Variants in SNTG1 observed in about 807,000 individuals in gnomAD.
SNTG1 encodes gamma-1-syntrophin.
A neutral mutation model predicts 74.7 loss-of-function variants in SNTG1; 39 were observed. The observed-to-expected ratio is 0.52, with a 90% CI of 0.40 to 0.68. The LOEUF is 0.68. Among genes scored for constraint, SNTG1 ranks in the 30% least tolerant of loss-of-function variants. The probability of loss-of-function intolerance (pLI) is 0.00; values close to 1 mark genes in which losing one functional copy is unlikely to be tolerated. For missense variants in SNTG1, 685 were observed against 609.5 expected, an observed-to-expected ratio of 1.12 and a Z score of -1.30; for synonymous variants, 254 against 217.1, an observed-to-expected ratio of 1.17 and a Z score of -1.49.
chr8:50,691,287 C>T (rs1304921801), intron 15 of SNTG1, among the ~76,000 whole-genome samples: 1 of 152,152 alleles, frequency 6.6e-6, no homozygotes, highest in Non-Finnish European at 1.5e-5. Context: ...TTGATCCTGT[C>T]ATTATGATGT....
chr8:50,248,123 C>T (rs532781840), intron 2 of SNTG1, among the ~76,000 whole-genome samples: 1 of 152,240 alleles, frequency 6.6e-6, no homozygotes, highest in Admixed American at 6.5e-5. Context: ...ACACATATGG[C>T]TTCATTTTAA....
chr8:50,539,270 T>A (rs2094329037), intron 11 of SNTG1, among the ~76,000 whole-genome samples: 1 of 152,196 alleles, frequency 6.6e-6, no homozygotes, highest in Non-Finnish European at 1.5e-5. Context: ...AATGTTGAGA[T>A]TCAGATTACT....
chr8:50,173,493 G>C (rs1181018447), intron 2 of SNTG1, among the ~76,000 whole-genome samples: 1 of 152,140 alleles, frequency 6.6e-6, no homozygotes, highest in East Asian at 1.9e-4. Context: ...GCATATTTAT[G>C]TACTCAATTA....
At chr8:50,484,155 T>TCCTA (rs2093767592) in intron 8 of SNTG1, among the ~76,000 whole-genome samples, 1 of 51,492 alleles carries the variant, frequency 1.9e-5, no homozygotes, top group Non-Finnish European at 4.1e-5. Flanking sequence ...TTTCTTTCCT[T>TCCTA]CCTTCCTTCC....
At position 50,251,074 on chromosome 8, in the gene SNTG1, T is replaced by G. The variant is rs368008044; in HGVS notation, c.-28+78439T>G. 2.0e-5 allele frequency among the ~76,000 whole-genome samples: 3 copies of G among 151,962 alleles called. 1 individual carries two copies. Among genetic ancestry groups the G allele is most frequent in the African/African-American group, 7.2e-5 (3 of 41,494 alleles). On this transcript the variant is annotated intron_variant, in intron 2 of 18. Transcript: ENST00000642720. ...AATATACAAATTACAGTAACCAAAA[T>G]GCAAATGAAAAGGGAGAGGGAAAAA... is the stretch of plus-strand genomic sequence containing the variant.
chr8:49,969,385 A>ATATTTTTTTTTTTTTTTTTT lies in SNTG1; in HGVS notation c.-103+57155_-103+57156insATTTTTTTTTTTTTTTTTTT, dbSNP rs1811434626. ...GCAAATACACATTTTAATTCATTTA[A>ATATTTTTTTTTTTTTTTTTT]TCTTTTTTTTTTTTTTTTTTTTTTT... On this transcript the variant is annotated intron_variant, in intron 1 of 18. Coordinates refer to ENST00000642720, the MANE Select transcript of SNTG1 (RefSeq NM_018967.5). 2.1e-4 allele frequency among the ~76,000 whole-genome samples: 24 copies of ATATTTTTTTTTTTTTTTTTT among 116,628 alleles called. 10 individuals carry two copies. Among genetic ancestry groups the ATATTTTTTTTTTTTTTTTTT allele is most frequent in the Non-Finnish European group, 2.9e-4 (17 of 58,524 alleles). 76.5% of individuals were successfully genotyped at this position (116,628 alleles called of 152,430 possible).
intron 17 of SNTG1, among the ~76,000 whole-genome samples, chr8:50,709,943 T>G (rs1252155520): frequency 6.6e-6 from 1 of 152,218 alleles, no homozygotes; most frequent in Non-Finnish European, 1.5e-5. Flanking sequence ...TGTAGGATTT[T>G]CTAAAGCAAA....
chr8:49,940,025 A>G (rs531384731), intron 1 of SNTG1, among the ~76,000 whole-genome samples: 2 of 152,234 alleles, frequency 1.3e-5, no homozygotes, highest in South Asian at 2.1e-4. Flanking sequence ...ACATAGCATG[A>G]GATGATTTCT....
chr8:50,332,421 G>A (rs542373918), intron 2 of SNTG1, among the ~76,000 whole-genome samples: 4 of 151,672 alleles, frequency 2.6e-5, no homozygotes, highest in Non-Finnish European at 5.9e-5. Flanking sequence ...CCCCACTTAG[G>A]AGAAAATTAT....
Position 50,792,915 on chromosome 8 carries a change from C to T in SNTG1, c.*86C>T. On this transcript the variant is annotated 3_prime_UTR_variant, in exon 19 of 19. Transcript: ENST00000642720. ...ATTTTAGACCCTAGAGAAACCATAA[C>T]ATCACCAAGTCGACAGTGGAGGCAA... 1.4e-6 allele frequency: 2 copies of T among 1,394,348 alleles called. No individual in the cohort carries two copies. The highest frequency in any genetic ancestry group is 1.9e-6 in the Non-Finnish European group (2 of 1,055,854). The allele number at this position is 1,394,348 out of a possible 1,614,324, so 86.4% of individuals were successfully genotyped here.
chr8:50,783,049 A>C (rs1317659155), intron 18 of SNTG1, among the ~76,000 whole-genome samples: 1 of 151,956 alleles, frequency 6.6e-6, no homozygotes, highest in South Asian at 2.1e-4. Flanking sequence ...CTGCTGTCTG[A>C]TCGTTCCTCT....
chr8:49,988,919 A>G (rs1366220755), intron 1 of SNTG1, among the ~76,000 whole-genome samples: 1 of 152,000 alleles, frequency 6.6e-6, no homozygotes, highest in East Asian at 1.9e-4. Flanking sequence ...ATATAGTAAC[A>G]GTAATTTACT....
At chr8:50,315,427 T>G (rs901341485) in intron 2 of SNTG1, among the ~76,000 whole-genome samples, 5 of 149,978 alleles carry the variant, frequency 3.3e-5, no homozygotes, top group Non-Finnish European at 7.4e-5. Context: ...ATATAGTGTA[T>G]AGTAAAAGAA....
chr8:50,624,213 T>A (rs1408425698), intron 13 of SNTG1, among the ~76,000 whole-genome samples: 1 of 152,094 alleles, frequency 6.6e-6, no homozygotes, highest in African/African-American at 2.4e-5. Flanking sequence ...TTTATAGCTA[T>A]GTTAGAGTAA....
chr8:50,282,218 C>G (rs1286033283), intron 2 of SNTG1, among the ~76,000 whole-genome samples: 1 of 152,122 alleles, frequency 6.6e-6, no homozygotes, highest in Non-Finnish European at 1.5e-5. Flanking sequence ...CATTCCAACC[C>G]CACAGTAAAC....
chr8:50,472,660 T>G (rs2093662536), intron 8 of SNTG1, among the ~76,000 whole-genome samples: 1 of 152,112 alleles, frequency 6.6e-6, no homozygotes, highest in South Asian at 2.1e-4. Flanking sequence ...ACTGAACAGA[T>G]AGATAAATTG....
chr8:49,985,455 C>T (rs1156253308), intron 1 of SNTG1, among the ~76,000 whole-genome samples: 1 of 152,070 alleles, frequency 6.6e-6, no homozygotes, highest in Admixed American at 6.6e-5. Context: ...CTATTAAAAT[C>T]AATATTGAAA....
chr8:49,936,392 G>A (rs932219877), intron 1 of SNTG1, among the ~76,000 whole-genome samples: 1 of 152,020 alleles, frequency 6.6e-6, no homozygotes, highest in East Asian at 1.9e-4. Context: ...TCATTTTATA[G>A]GGAATCTGAA....
At chr8:50,608,865 A>G (rs533136724) in intron 13 of SNTG1, among the ~76,000 whole-genome samples, 2 of 151,984 alleles carry the variant, frequency 1.3e-5, no homozygotes, top group South Asian at 4.1e-4. Flanking sequence ...TTAACTATAT[A>G]TTTTGATTTT....
Sources: allele counts gnomAD v4.1 joint callset (sites outside exome capture counted in the v4.1 genomes callset), GRCh38; gene constraint gnomAD v4.1.1; transcripts MANE v1.5; gene names NCBI Gene and HGNC (gene_info 2026-07-23, HGNC 2026-07-21).